Variants in DAPP1 observed in about 807,000 individuals in gnomAD.
DAPP1 encodes the protein dual adaptor of phosphotyrosine and 3-phosphoinositides 1.
In DAPP1, 20 loss-of-function variants were observed where a neutral mutation model predicts 41.5. The ratio of observed to expected loss-of-function variants is 0.48; its 90% CI spans 0.34 to 0.70. The LOEUF (loss-of-function observed/expected upper bound fraction) is 0.70. DAPP1 is among the 30% of genes least tolerant of loss of function. The pLI, the probability that DAPP1 is intolerant of heterozygous loss-of-function variation, is 0.01. For synonymous variants in DAPP1, 113 were observed against 116.2 expected (o/e 0.97, Z 0.18); for missense variants, 233 against 333.4 (o/e 0.70, Z 2.35).
chr4:99,860,737 A>T (rs1231214556), intron 4 of DAPP1, among the ~76,000 whole-genome samples: 3 of 152,180 alleles, frequency 2.0e-5, no homozygotes, highest in Non-Finnish European at 2.9e-5. Context: ...ATTTTTGTTA[A>T]TTTTGTTTCT....
intron 2 of DAPP1, among the ~76,000 whole-genome samples, chr4:99,838,090 C>T (rs1296820364): frequency 6.6e-6 from 1 of 152,124 alleles, no homozygotes; most frequent in African/African-American, 2.4e-5. Flanking sequence ...TTTCTTGCTA[C>T]GTGGCTGGCA....
At chr4:99,859,204 C>T (rs1251134095) in intron 4 of DAPP1, among the ~76,000 whole-genome samples, 1 of 152,120 alleles carries the variant, frequency 6.6e-6, no homozygotes, top group Admixed American at 6.5e-5. Flanking sequence ...TTGTGAGCCT[C>T]CGTGCCTGGC....
chr4:99,866,708 GCTGA>G, intron 8 of DAPP1: 1 of 637,148 alleles, frequency 1.6e-6, no homozygotes. Context: ...TGTCCTTAAA[GCTGA>G]CTAAAATTTC....
At chr4:99,853,836 G>A (rs1424067048) in intron 4 of DAPP1, among the ~76,000 whole-genome samples, 2 of 152,078 alleles carry the variant, frequency 1.3e-5, no homozygotes, top group African/African-American at 4.8e-5. Flanking sequence ...ACAAATGAAA[G>A]CAATGCAATA....
chr4:99,840,382 C>A lies in DAPP1; in HGVS notation c.318C>A (p.Val106=), dbSNP rs1248954061. The A allele has an allele frequency of 6.2e-7, 1 of 1,610,894 alleles. No homozygotes were observed. The highest frequency in any genetic ancestry group is 1.3e-5 in the African/African-American group (1 of 74,746). ...FNEFSSLKDF[V]KHFANQPLIG... is the part of the protein sequence containing the mutation. The stretch of plus-strand genomic sequence containing the variant: ...AATTCTCATCTTTGAAGGATTTTGT[C>A]AAGCATTTTGCAAATCAGCCTTTGA... The change falls in exon 3 of 9, where the codon GTC becomes GTA. Residue 106 remains valine, a synonymous_variant. Coordinates refer to ENST00000512369, the MANE Select transcript of DAPP1 (RefSeq NM_014395.3).
At position 99,868,104 on chromosome 4, in the gene DAPP1, T is replaced by C. The variant is rs1578196133; in HGVS notation, c.775-13T>C. On this transcript the variant is annotated splice_polypyrimidine_tract_variant and intron_variant, in intron 8 of 8. Coordinates refer to ENST00000512369, the MANE Select transcript of DAPP1 (RefSeq NM_014395.3). ...ACTCAATAATGGATACACGTGTGTG[T>C]ACTTTATTACAGTCACAAATAAGAA... 6.2e-7 allele frequency: 1 copy of C among 1,611,814 alleles called. No homozygotes were observed. The highest frequency in any genetic ancestry group is 8.5e-7 in the Non-Finnish European group (1 of 1,177,914).
chr4:99,871,466 A>C (rs1422406647), downstream of DAPP1, among the ~76,000 whole-genome samples: 1 of 152,196 alleles, frequency 6.6e-6, no homozygotes, highest in Admixed American at 6.5e-5. Flanking sequence ...AAATTCAATA[A>C]ATTTTTAGAA....
chr4:99,847,352 G>A (rs191970232), intron 3 of DAPP1, among the ~76,000 whole-genome samples: 55 of 152,266 alleles, frequency 3.6e-4, no homozygotes, highest in African/African-American at 1.3e-3. Flanking sequence ...TGGAATACAA[G>A]ATAAAGGGTC....
At chr4:99,847,055 G>A (rs751390124) in intron 3 of DAPP1, among the ~76,000 whole-genome samples, 1 of 152,166 alleles carries the variant, frequency 6.6e-6, no homozygotes, top group Admixed American at 6.6e-5. Context: ...AAACACGGAT[G>A]GACATGATCT....
intron 3 of DAPP1, among the ~76,000 whole-genome samples, chr4:99,852,939 G>A (rs1015447660): frequency 2.0e-5 from 3 of 152,028 alleles, no homozygotes; most frequent in Non-Finnish European, 1.5e-5. Flanking sequence ...TTGCTCACAC[G>A]GCTGCCATTG....
intron 6 of DAPP1, among the ~76,000 whole-genome samples, chr4:99,863,304 T>C (rs2110167564): frequency 6.6e-6 from 1 of 152,306 alleles, no homozygotes; most frequent in Middle Eastern, 3.4e-3. Flanking sequence ...CCAGGGCACG[T>C]AATTCCCTCT....
chr4:99,844,300 A>AC (rs1167965017), intron 3 of DAPP1: 1 of 152,206 alleles, frequency 6.6e-6, no homozygotes, highest in Non-Finnish European at 1.5e-5. Flanking sequence ...CTAAGGCTTC[A>AC]CCTCAGTGGG....
chr4:99,860,729 T>A (rs1259806997), intron 4 of DAPP1, among the ~76,000 whole-genome samples: 1 of 152,184 alleles, frequency 6.6e-6, no homozygotes, highest in Non-Finnish European at 1.5e-5. Flanking sequence ...ACTTCCCAAT[T>A]TTTGTTAATT....
chr4:99,828,043 A>G (rs756954129), intron 1 of DAPP1, among the ~76,000 whole-genome samples: 1 of 152,254 alleles, frequency 6.6e-6, no homozygotes, highest in Non-Finnish European at 1.5e-5. Context: ...TCATGAACAT[A>G]TGGATTAAGC....
intron 5 of DAPP1, 79 bp from the exon 6 acceptor site, chr4:99,862,930 AT>A: frequency 9.8e-7 from 1 of 1,024,104 alleles, no homozygotes; most frequent in Non-Finnish European, 1.4e-6. Flanking sequence ...ATGAAAGTAA[AT>A]CATCTGGTTC....
intron 7 of DAPP1, chr4:99,865,630 T>C (rs1186477495): frequency 1.3e-5 from 2 of 151,950 alleles, no homozygotes; most frequent in Admixed American, 1.3e-4. Flanking sequence ...TTTTGAGAGA[T>C]CAGCTGAATG....
At chr4:99,865,919 A>AATATATTATAT (rs1724416960) in intron 7 of DAPP1, 115 bp from the exon 8 acceptor site, 6 of 104,036 alleles carry the variant, frequency 5.8e-5, no homozygotes, top group Admixed American at 1.2e-4. Flanking sequence ...ATATATATAT[A>AATATATTATAT]TATATAATAT....
intron 1 of DAPP1, among the ~76,000 whole-genome samples, chr4:99,830,758 CTCTCTTTCTCTCTCTCTCTCTT>C (rs1297169901): frequency 6.6e-6 from 1 of 152,116 alleles, no homozygotes; most frequent in Non-Finnish European, 1.5e-5. Context: ...AAGCCAAACT[CTCTCTTTCTCTCTCTCTCTCTT>C]TCTCTTTCTC....
At position 99,868,372 on chromosome 4, in the gene DAPP1, G is replaced by A. The variant is rs563564312; in HGVS notation, c.*187G>A. The A allele has an allele frequency of 9.6e-5, 58 of 604,158 alleles. 1 individual carries two copies. In the South Asian group the frequency reaches 1.1e-3, roughly 12 times the overall value. 37.4% of individuals were successfully genotyped at this position (604,158 alleles called of 1,614,324 possible). ...CACGTTGCTGCCCTTCCATGATGTT[G>A]CCATCTCCTTGAGAACACTGAAGCA... On this transcript the variant is annotated 3_prime_UTR_variant, in exon 9 of 9. Transcript: ENST00000512369.
Sources: gnomAD v4.1 joint callset for allele counts (sites outside exome capture counted in the v4.1 genomes callset) on GRCh38, gnomAD v4.1.1 for gene constraint, MANE v1.5 for transcripts, NCBI Gene and HGNC (gene_info 2026-07-23, HGNC 2026-07-21) for gene names.